ZNF678: variants seen among roughly 807,000 people sequenced by gnomAD.
ZNF678 encodes zinc finger protein 678.
In ZNF678, 5 loss-of-function variants were observed where a neutral mutation model predicts 3.0. The ratio of observed to expected loss-of-function variants is 1.69; its 90% CI spans 0.88 to 3.56. The LOEUF is 3.56. Ranked by LOEUF, ZNF678 falls within the 30% of genes most tolerant of loss-of-function variation. The pLI is 0.00. For synonymous variants in ZNF678, 218 were observed against 199.6 expected, an observed-to-expected ratio of 1.09 and a Z score of -0.78; for missense variants, 593 against 605.0, an observed-to-expected ratio of 0.98 and a Z score of 0.21.
downstream of ZNF678, among the ~76,000 whole-genome samples, chr1:227,666,511 C>A (rs1659505387): frequency 6.6e-6 from 1 of 152,126 alleles, no homozygotes; most frequent in Non-Finnish European, 1.5e-5. Flanking sequence ...TAACTGGAAT[C>A]AAACAGGCCA....
At chr1:227,626,047 C>T (rs1658404723) in intron 1 of ZNF678, among the ~76,000 whole-genome samples, 1 of 152,094 alleles carries the variant, frequency 6.6e-6, no homozygotes, top group African/African-American at 2.4e-5. Flanking sequence ...CTGCATTCTC[C>T]CTAGAAGCTC....
At chr1:227,616,567 A>C (rs1658147219) in intron 1 of ZNF678, among the ~76,000 whole-genome samples, 1 of 152,114 alleles carries the variant, frequency 6.6e-6, no homozygotes, top group Non-Finnish European at 1.5e-5. Flanking sequence ...ATGTTGAAAA[A>C]ATTTTTCTAA....
intron 1 of ZNF678, among the ~76,000 whole-genome samples, chr1:227,570,531 A>G (rs970410364): frequency 6.6e-5 from 10 of 152,182 alleles, no homozygotes; most frequent in African/African-American, 2.2e-4. Flanking sequence ...CCCAAAGCTC[A>G]CTATACTGTC....
At chr1:227,596,210 A>G (rs1212660189) in intron 1 of ZNF678, among the ~76,000 whole-genome samples, 2 of 152,226 alleles carry the variant, frequency 1.3e-5, no homozygotes, top group Non-Finnish European at 2.9e-5. Context: ...CTTAAGCTGC[A>G]TAAGGAGCTG....
chr1:227,650,174 T>C (rs980990868), intron 2 of ZNF678, among the ~76,000 whole-genome samples: 3 of 152,224 alleles, frequency 2.0e-5, no homozygotes, highest in African/African-American at 7.2e-5. Context: ...TTATTTTGAG[T>C]TAATTTCTTG....
chr1:227,592,443 C>T (rs1297987194), intron 1 of ZNF678, among the ~76,000 whole-genome samples: 1 of 152,152 alleles, frequency 6.6e-6, no homozygotes, highest in Non-Finnish European at 1.5e-5. Context: ...TGGCCAGGGC[C>T]CTACAGTCTG....
chr1:227,569,697 CTATT>C (rs1656785009), intron 1 of ZNF678, among the ~76,000 whole-genome samples: 1 of 149,846 alleles, frequency 6.7e-6, no homozygotes, highest in Non-Finnish European at 1.5e-5. Context: ...TCTTGGTGGA[CTATT>C]TATGATTTTA....
chr1:227,612,642 A>T (rs1179569526), intron 1 of ZNF678, among the ~76,000 whole-genome samples: 1 of 152,108 alleles, frequency 6.6e-6, no homozygotes, highest in Non-Finnish European at 1.5e-5. Flanking sequence ...GAGACATCTT[A>T]TCAACTTGGA....
At chr1:227,579,054 G>A (rs746799683) in intron 1 of ZNF678, among the ~76,000 whole-genome samples, 16 of 152,158 alleles carry the variant, frequency 1.1e-4, no homozygotes, top group Non-Finnish European at 1.8e-4. Flanking sequence ...TGTGCTCTCT[G>A]GGAGACTTGT....
At chr1:227,627,347 TCTG>T (rs1558147861) in intron 1 of ZNF678, among the ~76,000 whole-genome samples, 2 of 152,082 alleles carry the variant, frequency 1.3e-5, no homozygotes, top group South Asian at 2.1e-4. Flanking sequence ...TTCCATTTCT[TCTG>T]CTGAGTATTG....
Position 227,655,181 on chromosome 1 carries a change from C to A in ZNF678, c.931C>A (p.His311Asn). 2 of 1,612,102 alleles carry A rather than the reference C, an allele frequency of 1.2e-6. No homozygotes were observed. Among genetic ancestry groups the A allele is most frequent in the South Asian group, 2.2e-5 (2 of 90,908 alleles). The change falls in exon 4 of 4, where the codon CAT becomes AAT. Residue 311 changes from histidine (H) to asparagine (N), a missense_variant. By Grantham distance (68) the His-to-Asn change is moderately conservative. Coordinates refer to ENST00000343776, the MANE Select transcript of ZNF678 (RefSeq NM_001367909.1). ...TACACAGTTTGCAAGCCTTACTCGT[C>A]ATAAAAGAATTCATACTGGAGAAAA... Reference protein sequence around the residue: ...AFTQFASLTRHKRIHTGEKPY... With the variant: ...AFTQFASLTRNKRIHTGEKPY...
At chr1:227,670,096 C>T (rs1659574817) in intron 5 of ZNF678, among the ~76,000 whole-genome samples, 1 of 152,146 alleles carries the variant, frequency 6.6e-6, no homozygotes, top group Non-Finnish European at 1.5e-5. Flanking sequence ...AACTCTGGAA[C>T]AGAAAACCAA....
intron 1 of ZNF678, among the ~76,000 whole-genome samples, chr1:227,644,864 G>T (rs1658916320): frequency 6.6e-6 from 1 of 152,154 alleles, no homozygotes; most frequent in South Asian, 2.1e-4. Flanking sequence ...TGTTGTTTTA[G>T]TTTAGTACCC....
At chr1:227,586,943 C>T (rs1313837394) in intron 1 of ZNF678, among the ~76,000 whole-genome samples, 1 of 152,136 alleles carries the variant, frequency 6.6e-6, no homozygotes, top group African/African-American at 2.4e-5. Context: ...ATGCAAAGCC[C>T]ATGGGGGTGG....
chr1:227,670,462 G>T (rs1231650491), intron 5 of ZNF678, among the ~76,000 whole-genome samples: 1 of 152,190 alleles, frequency 6.6e-6, no homozygotes, highest in Non-Finnish European at 1.5e-5. Flanking sequence ...TATGGTCTCA[G>T]GTAGGACCTT....
chr1:227,677,650 C>T (rs1204261791), downstream of ZNF678, among the ~76,000 whole-genome samples: 1 of 152,130 alleles, frequency 6.6e-6, no homozygotes, highest in East Asian at 1.9e-4. Flanking sequence ...AGATTTGATA[C>T]CTGCCAGGTT....
At chr1:227,567,026 T>G (rs1656706370) in intron 1 of ZNF678, among the ~76,000 whole-genome samples, 1 of 152,208 alleles carries the variant, frequency 6.6e-6, no homozygotes, top group African/African-American at 2.4e-5. Context: ...AAACATCAGT[T>G]CCTCTTTTTT....
intron 1 of ZNF678, among the ~76,000 whole-genome samples, chr1:227,578,854 T>C (rs1657050170): frequency 6.6e-6 from 1 of 152,226 alleles, no homozygotes; most frequent in Non-Finnish European, 1.5e-5. Context: ...CACTGATTGT[T>C]TCTCATCTTT....
In ZNF678 at chr1:227,658,321, TG is replaced by T. The variant is rs1454107070; in HGVS notation, c.*2498del. 1 of 152,050 alleles carries T rather than the reference TG, an allele frequency of 6.6e-6. No homozygotes were observed. Among genetic ancestry groups the T allele is most frequent in the Non-Finnish European group, 1.5e-5 (1 of 67,958 alleles). 9.4% of individuals were successfully genotyped at this position (152,050 alleles called of 1,614,324 possible). Reference sequence around the variant, plus strand: ...AAACACAGGAAAGTGCTAGGTTTCCTGGGGGTATAATAGATGCTCTATAATT... The same window carrying T: ...AAACACAGGAAAGTGCTAGGTTTCCTGGGGTATAATAGATGCTCTATAATT... On this transcript the variant is annotated 3_prime_UTR_variant, in exon 4 of 4. Transcript: ENST00000343776.
Sources: gnomAD v4.1 joint callset for allele counts (sites outside exome capture counted in the v4.1 genomes callset) on GRCh38, gnomAD v4.1.1 for gene constraint, MANE v1.5 for transcripts, NCBI Gene and HGNC (gene_info 2026-07-23, HGNC 2026-07-21) for gene names.